The following RBFOX1 variants were observed in gnomAD, a reference collection of about 807,000 sequenced individuals.
The protein encoded by RBFOX1 is RNA binding protein fox-1 homolog 1.
RBFOX1 carries 8 observed loss-of-function variants against 57.7 expected under a neutral mutation model. The observed-to-expected ratio is 0.14, with a 90% CI of 0.08 to 0.25. RBFOX1 has a LOEUF of 0.25. Among genes scored for constraint, RBFOX1 ranks in the 10% least tolerant of loss-of-function variants. The pLI is 1.00. For synonymous variants in RBFOX1, 326 were observed against 222.4 expected (o/e 1.47, Z -4.15); for missense variants, 611 against 548.5 (o/e 1.11, Z -1.14).
At chr16:7,634,937 A>G (rs1035682244) in intron 11 of RBFOX1, among the ~76,000 whole-genome samples, 15 of 152,232 alleles carry the variant, frequency 9.9e-5, no homozygotes, top group African/African-American at 2.2e-4. Flanking sequence ...ATATTTTTCA[A>G]TAGGCTTTCA....
intron 14 of RBFOX1, among the ~76,000 whole-genome samples, chr16:7,681,579 T>C (rs372524721): frequency 2.0e-5 from 3 of 152,164 alleles, no homozygotes; most frequent in African/African-American, 7.2e-5. Context: ...CGATGATATA[T>C]ACTAAAAATT....
intron 2 of RBFOX1, among the ~76,000 whole-genome samples, chr16:6,380,898 C>T (rs1182768092): frequency 6.6e-6 from 1 of 152,128 alleles, no homozygotes; most frequent in Non-Finnish European, 1.5e-5. Flanking sequence ...TGAGTTTTAC[C>T]AAGTGGAGGA....
At chr16:5,709,843 ATTTTTTTTTTTTTTTTTTT>A (rs35733374) in intron 3 of RBFOX1, among the ~76,000 whole-genome samples, 13 of 12,302 alleles carry the variant, frequency 1.1e-3, no homozygotes, top group East Asian at 0.011. Context: ...ATATATATAT[ATTTTTTTTTTTTTTTTTTT>A]TTTTTTTTTT....
chr16:6,527,031 A>G (rs573252998), intron 2 of RBFOX1, among the ~76,000 whole-genome samples: 3 of 152,140 alleles, frequency 2.0e-5, no homozygotes, highest in East Asian at 3.9e-4. Flanking sequence ...TTTAAACGTT[A>G]TTATTAGCCG....
intron 1 of RBFOX1, among the ~76,000 whole-genome samples, chr16:5,379,392 G>A (rs916505287): frequency 6.6e-6 from 1 of 151,496 alleles, no homozygotes; most frequent in Non-Finnish European, 1.5e-5. Context: ...TATCTTGTGA[G>A]TTACACTTGG....
chr16:6,731,201 T>C (rs2154173769), intron 3 of RBFOX1, among the ~76,000 whole-genome samples: 1 of 152,146 alleles, frequency 6.6e-6, no homozygotes, highest in East Asian at 1.9e-4. Flanking sequence ...AAGATACATA[T>C]CAGATCCTAG....
intron 1 of RBFOX1, among the ~76,000 whole-genome samples, chr16:6,047,253 A>G (rs1236906768): frequency 6.6e-6 from 1 of 152,206 alleles, no homozygotes; most frequent in East Asian, 1.9e-4. Context: ...CCAGCCCATG[A>G]GGTTAGCCAA....
chr16:6,265,298 G>C (rs1005278663), intron 1 of RBFOX1, among the ~76,000 whole-genome samples: 1 of 151,690 alleles, frequency 6.6e-6, no homozygotes, highest in Non-Finnish European at 1.5e-5. Context: ...ATCTTGCTTT[G>C]TCACCTAGGC....
chr16:5,388,856 C>A (rs933643352), intron 1 of RBFOX1, among the ~76,000 whole-genome samples: 1 of 151,084 alleles, frequency 6.6e-6, no homozygotes, highest in African/African-American at 2.4e-5. Flanking sequence ...GGATTACAGG[C>A]GTGAGTCACC....
chr16:6,567,085 A>T (rs1216075991), intron 2 of RBFOX1, among the ~76,000 whole-genome samples: 1 of 152,150 alleles, frequency 6.6e-6, no homozygotes, highest in Non-Finnish European at 1.5e-5. Flanking sequence ...TTCCCATGAG[A>T]CTGATACTCT....
chr16:7,276,780 C>G (rs907826667), intron 4 of RBFOX1, among the ~76,000 whole-genome samples: 1 of 152,162 alleles, frequency 6.6e-6, no homozygotes, highest in Non-Finnish European at 1.5e-5. Context: ...TCATAAAATA[C>G]TGATTATGCT....
intron 3 of RBFOX1, among the ~76,000 whole-genome samples, chr16:6,923,997 C>G (rs777691486): frequency 7.2e-5 from 11 of 152,068 alleles, no homozygotes; most frequent in African/African-American, 2.4e-4. Flanking sequence ...TGGTGAAACC[C>G]TGTCTCTACT....
chr16:6,801,538 C>A (rs143418898), intron 3 of RBFOX1, among the ~76,000 whole-genome samples: 415 of 152,018 alleles, frequency 2.7e-3, no homozygotes, highest in African/African-American at 9.5e-3. Context: ...AAGTCAGGGC[C>A]CTTGAAATTT....
intron 3 of RBFOX1, among the ~76,000 whole-genome samples, chr16:6,930,411 T>C (rs961747260): frequency 6.6e-6 from 1 of 152,022 alleles, no homozygotes; most frequent in Non-Finnish European, 1.5e-5. Flanking sequence ...GCTATTTTTG[T>C]TATTGTTGTT....
chr16:6,891,275 G>A (rs1173757449), intron 3 of RBFOX1, among the ~76,000 whole-genome samples: 2 of 152,194 alleles, frequency 1.3e-5, no homozygotes, highest in Non-Finnish European at 2.9e-5. Flanking sequence ...ACAACTGCTT[G>A]AAGCAACTTA....
intron 4 of RBFOX1, among the ~76,000 whole-genome samples, chr16:7,333,315 C>T (rs565783593): frequency 1.1e-4 from 16 of 152,288 alleles, no homozygotes; most frequent in South Asian, 4.1e-4. Flanking sequence ...TTGTATTGAT[C>T]TGACTGCTAT....
intron 6 of RBFOX1, among the ~76,000 whole-genome samples, chr16:7,586,616 C>T (rs1240290878): frequency 6.6e-6 from 1 of 152,160 alleles, no homozygotes; most frequent in Non-Finnish European, 1.5e-5. Context: ...TGTTTCTGGA[C>T]TTTTCATAGA....
chr16:5,867,087 A>G (rs939791925), intron 3 of RBFOX1, among the ~76,000 whole-genome samples: 4 of 151,968 alleles, frequency 2.6e-5, no homozygotes, highest in African/African-American at 9.7e-5. Flanking sequence ...TAATTATCCT[A>G]TTCACCTTAT....
At chr16:6,902,646 C>T (rs916382582) in intron 3 of RBFOX1, among the ~76,000 whole-genome samples, 1 of 152,138 alleles carries the variant, frequency 6.6e-6, no homozygotes, top group African/African-American at 2.4e-5. Flanking sequence ...TGCTTGAACC[C>T]AGGAGGCAGA....
Sources: gnomAD v4.1 joint callset for allele counts (sites outside exome capture counted in the v4.1 genomes callset) on GRCh38, gnomAD v4.1.1 for gene constraint, MANE v1.5 for transcripts, NCBI Gene and HGNC (gene_info 2026-07-23, HGNC 2026-07-21) for gene names.